Variants in PTPRD observed in about 807,000 individuals in gnomAD.
PTPRD encodes the protein protein tyrosine phosphatase receptor type D, also known as receptor-type tyrosine-protein phosphatase delta.
PTPRD carries 34 observed loss-of-function variants against 214.5 expected under a neutral mutation model. That is an observed-to-expected ratio of 0.16 (90% CI 0.12 to 0.21). The LOEUF (loss-of-function observed/expected upper bound fraction) is 0.21. Ranked by LOEUF, PTPRD falls within the 10% of genes least tolerant of loss-of-function variation. The pLI, the probability that PTPRD is intolerant of heterozygous loss-of-function variation, is 1.00. For missense variants in PTPRD, 2,545 were observed against 2,398.7 expected (o/e 1.06, Z -1.27); for synonymous variants, 1,128 against 845.7 (o/e 1.33, Z -5.79).
intron 7 of PTPRD, among the ~76,000 whole-genome samples, chr9:9,597,558 A>G (rs2093444336): frequency 6.6e-6 from 1 of 152,068 alleles, no homozygotes; most frequent in Admixed American, 6.6e-5. Flanking sequence ...GAGGAAAAGT[A>G]CCGTAGAACT....
chr9:10,313,693 C>G (rs1309709653), intron 3 of PTPRD, among the ~76,000 whole-genome samples: 1 of 151,942 alleles, frequency 6.6e-6, no homozygotes, highest in Admixed American at 6.6e-5. Flanking sequence ...CCAGGACCAG[C>G]CACTTGGATG....
chr9:10,053,058 C>T (rs963810819), intron 3 of PTPRD, among the ~76,000 whole-genome samples: 1 of 152,102 alleles, frequency 6.6e-6, no homozygotes, highest in Non-Finnish European at 1.5e-5. Flanking sequence ...CATATTAATA[C>T]ATTTTCTCAT....
intron 4 of PTPRD, among the ~76,000 whole-genome samples, chr9:10,031,465 G>C (rs533140392): frequency 5.9e-5 from 9 of 151,352 alleles, no homozygotes; most frequent in Non-Finnish European, 1.2e-4. Flanking sequence ...CAGCCTCCCA[G>C]CCTACATCTT....
chr9:9,540,358 G>A (rs780118954), intron 8 of PTPRD, among the ~76,000 whole-genome samples: 56 of 151,810 alleles, frequency 3.7e-4, no homozygotes, highest in Non-Finnish European at 6.9e-4. Context: ...AGATCATGGT[G>A]TAGTATGTGT....
chr9:9,843,803 G>C (rs181492563), intron 5 of PTPRD, among the ~76,000 whole-genome samples: 11 of 152,014 alleles, frequency 7.2e-5, no homozygotes, highest in African/African-American at 9.6e-5. Flanking sequence ...AATTTAAATA[G>C]AGGTACAGGA....
At chr9:8,792,696 A>G (rs958705439) in intron 11 of PTPRD, among the ~76,000 whole-genome samples, 1 of 152,154 alleles carries the variant, frequency 6.6e-6, no homozygotes, top group Non-Finnish European at 1.5e-5. Context: ...ACATTTTGTG[A>G]GCAATTAAAT....
intron 7 of PTPRD, among the ~76,000 whole-genome samples, chr9:9,646,302 GGT>G (rs890972498): frequency 7.0e-5 from 10 of 142,320 alleles, no homozygotes; most frequent in African/African-American, 1.6e-4. Flanking sequence ...TTTTGGGAGG[GGT>G]GTGTGTGTGT....
At chr9:10,252,628 A>G (rs1043459823) in intron 3 of PTPRD, among the ~76,000 whole-genome samples, 3 of 152,098 alleles carry the variant, frequency 2.0e-5, no homozygotes, top group Admixed American at 1.3e-4. Context: ...TATTGTTTTA[A>G]GAAACTGTTT....
At chr9:10,225,709 C>A (rs772752589) in intron 3 of PTPRD, among the ~76,000 whole-genome samples, 2 of 152,024 alleles carry the variant, frequency 1.3e-5, no homozygotes, top group Non-Finnish European at 2.9e-5. Context: ...CGTATTCATA[C>A]TGTGGATACA....
intron 11 of PTPRD, among the ~76,000 whole-genome samples, chr9:8,853,050 G>A (rs1312064546): frequency 6.6e-6 from 1 of 151,986 alleles, no homozygotes; most frequent in Non-Finnish European, 1.5e-5. Context: ...AAACTGTTAA[G>A]AGAAAAAAAT....
chr9:9,712,048 A>G (rs796857766), intron 7 of PTPRD, among the ~76,000 whole-genome samples: 47 of 152,102 alleles, frequency 3.1e-4, no homozygotes, highest in African/African-American at 1.0e-3. Context: ...GCACCGACTT[A>G]GCAAAACTCA....
intron 10 of PTPRD, among the ~76,000 whole-genome samples, chr9:9,059,323 T>C (rs1345022496): frequency 2.0e-5 from 3 of 151,960 alleles, no homozygotes; most frequent in African/African-American, 7.3e-5. Flanking sequence ...TCAGACCAGA[T>C]AAGAAATAAA....
intron 14 of PTPRD, among the ~76,000 whole-genome samples, chr9:8,565,543 G>C (rs2154217804): frequency 6.6e-6 from 1 of 152,050 alleles, no homozygotes; most frequent in East Asian, 1.9e-4. Context: ...TCACGTTTTA[G>C]ATCTTTGTTG....
At chr9:10,541,893 C>T (rs554280286) in intron 2 of PTPRD, among the ~76,000 whole-genome samples, 1 of 151,904 alleles carries the variant, frequency 6.6e-6, no homozygotes, top group Non-Finnish European at 1.5e-5. Flanking sequence ...CAACTTTCAT[C>T]AATTATTTGA....
chr9:9,375,096 T>A (rs2140023111), intron 9 of PTPRD, among the ~76,000 whole-genome samples: 1 of 152,310 alleles, frequency 6.6e-6, no homozygotes, highest in African/African-American at 2.4e-5. Context: ...TATGTGCGTG[T>A]GTGTGTTGGC....
chr9:9,250,767 G>T (rs1242321324), intron 9 of PTPRD, among the ~76,000 whole-genome samples: 1 of 151,882 alleles, frequency 6.6e-6, no homozygotes, highest in Non-Finnish European at 1.5e-5. Flanking sequence ...AACCAAAAAA[G>T]AAATATCAAC....
chr9:8,966,479 C>T (rs763237715), intron 11 of PTPRD, among the ~76,000 whole-genome samples: 17 of 151,474 alleles, frequency 1.1e-4, no homozygotes, highest in Non-Finnish European at 2.4e-4. Flanking sequence ...ATCTGATATT[C>T]GACAAAGTTA....
intron 8 of PTPRD, among the ~76,000 whole-genome samples, chr9:9,513,113 C>T (rs2096748943): frequency 6.6e-6 from 1 of 151,804 alleles, no homozygotes; most frequent in African/African-American, 2.4e-5. Flanking sequence ...ACTAAAATAA[C>T]AAGATAGTAT....
At chr9:9,768,839 G>A (rs1330686192) in intron 5 of PTPRD, among the ~76,000 whole-genome samples, 1 of 152,158 alleles carries the variant, frequency 6.6e-6, no homozygotes, top group South Asian at 2.1e-4. Context: ...ACAGAGAAAC[G>A]TGGTACGAAC....
Sources: gnomAD v4.1 joint callset for allele counts (sites outside exome capture counted in the v4.1 genomes callset) on GRCh38, gnomAD v4.1.1 for gene constraint, MANE v1.5 for transcripts, NCBI Gene and HGNC (gene_info 2026-07-23, HGNC 2026-07-21) for gene names.